Variants in MYO16 observed in about 807,000 individuals in gnomAD.
MYO16 encodes myosin XVI, also known as unconventional myosin-XVI.
MYO16 carries 94 observed loss-of-function variants against 205.3 expected under a neutral mutation model. The observed-to-expected ratio is 0.46, with a 90% CI of 0.39 to 0.54. The LOEUF (loss-of-function observed/expected upper bound fraction) is 0.54, where lower values mean the gene tolerates loss of function less well. Ranked by LOEUF, MYO16 falls within the 20% of genes least tolerant of loss-of-function variation. The pLI is 0.00. For missense variants in MYO16, 2,315 were observed against 2,387.5 expected (o/e 0.97, Z 0.63); for synonymous variants, 988 against 954.0 (o/e 1.04, Z -0.66).
intron 17 of MYO16, among the ~76,000 whole-genome samples, chr13:108,959,908 G>A (rs72654055): frequency 0.11 from 16,641 of 151,602 alleles, 1,061 homozygotes; most frequent in Non-Finnish European, 0.15. Context: ...CAGAGTCTTC[G>A]GCTGTCTATC....
At chr13:108,852,750 G>A (rs1594344743) in intron 10 of MYO16, among the ~76,000 whole-genome samples, 1 of 152,118 alleles carries the variant, frequency 6.6e-6, no homozygotes, top group Non-Finnish European at 1.5e-5. Context: ...CACTAATGAG[G>A]CACACTTAGC....
intron 4 of MYO16, among the ~76,000 whole-genome samples, chr13:108,764,811 C>G (rs1184145632): frequency 6.6e-6 from 1 of 152,130 alleles, no homozygotes; most frequent in South Asian, 2.1e-4. Flanking sequence ...CAAGCTGGCT[C>G]CCCAGAAAAT....
intron 16 of MYO16, among the ~76,000 whole-genome samples, chr13:108,941,614 T>C (rs1167307563): frequency 6.7e-6 from 1 of 150,004 alleles, no homozygotes; most frequent in African/African-American, 2.5e-5. Flanking sequence ...GAGGCAGAGT[T>C]TGTAGTGAGC....
At chr13:108,702,529 C>T (rs563175867) in intron 2 of MYO16, among the ~76,000 whole-genome samples, 43 of 152,138 alleles carry the variant, frequency 2.8e-4, no homozygotes, top group African/African-American at 1.0e-3. Context: ...ACAGGTCTGC[C>T]CTTCATGAAA....
chr13:109,001,884 G>T (rs1469421039), intron 21 of MYO16, among the ~76,000 whole-genome samples: 1 of 151,848 alleles, frequency 6.6e-6, no homozygotes, highest in African/African-American at 2.4e-5. Flanking sequence ...ACATATTTCA[G>T]CAATGCTCAG....
chr13:109,043,761 AG>A (rs1448136726), intron 23 of MYO16, among the ~76,000 whole-genome samples: 1 of 151,836 alleles, frequency 6.6e-6, no homozygotes, highest in African/African-American at 2.4e-5. Flanking sequence ...AGGGGATCCC[AG>A]ATGGCACCCT....
At chr13:108,631,570 A>G (rs1057052626) in intron 1 of MYO16, among the ~76,000 whole-genome samples, 52 of 152,338 alleles carry the variant, frequency 3.4e-4, no homozygotes, top group African/African-American at 1.2e-3. Flanking sequence ...GTAATTAGCA[A>G]CTACTTACTA....
intron 12 of MYO16, among the ~76,000 whole-genome samples, chr13:108,880,677 G>A (rs529468387): frequency 6.6e-6 from 1 of 152,272 alleles, no homozygotes; most frequent in Non-Finnish European, 1.5e-5. Context: ...GGTTGTAGAT[G>A]TGTGGTATTA....
chr13:108,548,483 G>C, the MYO16 span, among the ~76,000 whole-genome samples: 10 of 151,708 alleles, frequency 6.6e-5, no homozygotes, highest in African/African-American at 2.4e-4. Flanking sequence ...CGATGATGAT[G>C]CTGGTGGTAG....
chr13:108,884,284 C>T (rs972462491), intron 13 of MYO16, among the ~76,000 whole-genome samples: 2 of 152,230 alleles, frequency 1.3e-5, no homozygotes, highest in African/African-American at 4.8e-5. Flanking sequence ...GGTGGAGGGA[C>T]AGACTGATGG....
At chr13:108,781,075 G>T (rs1886285880) in intron 4 of MYO16, among the ~76,000 whole-genome samples, 1 of 152,244 alleles carries the variant, frequency 6.6e-6, no homozygotes, top group East Asian at 1.9e-4. Flanking sequence ...TTGTTTTGTT[G>T]TAATTAAGAA....
intron 9 of MYO16, among the ~76,000 whole-genome samples, chr13:108,838,711 T>A (rs1371401859): frequency 7.4e-6 from 1 of 135,880 alleles, no homozygotes; most frequent in Non-Finnish European, 1.6e-5. Flanking sequence ...ACACACACAC[T>A]ATACATATAC....
intron 22 of MYO16, among the ~76,000 whole-genome samples, chr13:109,012,070 G>C (rs1241655421): frequency 6.6e-6 from 1 of 152,108 alleles, no homozygotes; most frequent in Non-Finnish European, 1.5e-5. Context: ...AGATATATTA[G>C]GGATTAATGT....
At chr13:109,031,039 G>A (rs905033406) in intron 23 of MYO16, among the ~76,000 whole-genome samples, 2 of 152,092 alleles carry the variant, frequency 1.3e-5, no homozygotes, top group South Asian at 4.1e-4. Context: ...AACACTAATT[G>A]ATGGAATGAG....
the MYO16 span, among the ~76,000 whole-genome samples, chr13:108,510,485 T>TTA: frequency 1.3e-4 from 13 of 96,472 alleles, no homozygotes; most frequent in African/African-American, 4.6e-4. Context: ...TTTTTTTTTT[T>TTA]ATTGTACTTT....
At chr13:108,744,148 C>T (rs1884990261) in intron 4 of MYO16, among the ~76,000 whole-genome samples, 1 of 152,198 alleles carries the variant, frequency 6.6e-6, no homozygotes, top group Admixed American at 6.5e-5. Context: ...TCTTTCTCAT[C>T]AGTTGATCTT....
chr13:108,532,264 C>G, the MYO16 span, among the ~76,000 whole-genome samples: 1 of 151,526 alleles, frequency 6.6e-6, no homozygotes, highest in African/African-American at 2.4e-5. Context: ...GCAGAAGAAG[C>G]AACTACTTCA....
chr13:109,023,637 A>ATG (rs1886212561), intron 23 of MYO16, among the ~76,000 whole-genome samples: 2 of 120,684 alleles, frequency 1.7e-5, no homozygotes, highest in African/African-American at 2.9e-5. Flanking sequence ...AGACAAATAT[A>ATG]TATACAAATA....
rs117690344 is a variant in MYO16, at chr13:108,951,496, A to G, written c.1926-6192A>G. On this transcript the variant is annotated intron_variant, in intron 16 of 34. Transcript: ENST00000457511. ...GTATGTTCCCCAGGATATCCCTGCCAATTAAATACCTGTTGAAATTATGTT... is the reference window on the plus strand; with the variant it reads ...GTATGTTCCCCAGGATATCCCTGCCGATTAAATACCTGTTGAAATTATGTT... Among the ~76,000 whole-genome samples the G allele has an allele frequency of 7.5e-3, 1,138 of 152,326 alleles. 5 individuals are homozygous for G. The highest frequency in any genetic ancestry group is 0.012 in the Non-Finnish European group (843 of 68,026).
Sources: allele counts gnomAD v4.1 joint callset (sites outside exome capture counted in the v4.1 genomes callset), GRCh38; gene constraint gnomAD v4.1.1; transcripts MANE v1.5; gene names NCBI Gene and HGNC (gene_info 2026-07-23, HGNC 2026-07-21).